Variants in ALPK1 observed in about 807,000 individuals in gnomAD.
The protein encoded by ALPK1 is alpha kinase 1.
ALPK1 carries 110 observed loss-of-function variants against 120.6 expected under a neutral mutation model. That is an observed-to-expected ratio of 0.91 (90% CI 0.78 to 1.07). The LOEUF is 1.07. Among genes scored for constraint, ALPK1 ranks in the 50% least tolerant of loss-of-function variants. The pLI is 0.00. For missense variants in ALPK1, 1,498 were observed against 1,483.9 expected, an observed-to-expected ratio of 1.01 and a Z score of -0.16; for synonymous variants, 582 against 560.3, an observed-to-expected ratio of 1.04 and a Z score of -0.55.
chr4:112,391,267 C>A (rs62316108), intron 4 of ALPK1, among the ~76,000 whole-genome samples: 2 of 152,156 alleles, frequency 1.3e-5, no homozygotes, highest in Non-Finnish European at 2.9e-5. Context: ...GCCTTGTGAA[C>A]AAGGTAGGGG....
intron 2 of ALPK1, chr4:112,358,522 C>T (rs1426504625): frequency 1.2e-5 from 8 of 679,600 alleles, no homozygotes; most frequent in Non-Finnish European, 1.9e-5. Context: ...CTGCTGGGGA[C>T]CCGGAGGGCA....
chr4:112,421,497 C>G (rs928629933), intron 5 of ALPK1, among the ~76,000 whole-genome samples: 3 of 152,004 alleles, frequency 2.0e-5, no homozygotes, highest in African/African-American at 7.3e-5. Flanking sequence ...GACCTTTGCC[C>G]CAGGTTTTAA....
Position 112,365,961 on chromosome 4 carries a change from A to G in ALPK1, c.-100-11717A>G, listed in dbSNP as rs544590674. Among the ~76,000 whole-genome samples, 106 of 152,290 alleles carry G rather than the reference A, an allele frequency of 7.0e-4. 2 individuals are homozygous for G. In the South Asian group the frequency reaches 0.022, roughly 31 times the overall value. On this transcript the variant is annotated intron_variant, in intron 2 of 15. Transcript: ENST00000650871. ...AACAAAAACATATAGTGGGGAAAGG[A>G]CACCCTATTCAACAAATGGTGCTGG...
chr4:112,298,910 C>A (rs1727663736), intron 1 of ALPK1, among the ~76,000 whole-genome samples: 1 of 152,122 alleles, frequency 6.6e-6, no homozygotes, highest in African/African-American at 2.4e-5. Context: ...GAACACAAGG[C>A]ATGAATTGCT....
chr4:112,434,600 CT>C (rs1313694985), intron 11 of ALPK1, among the ~76,000 whole-genome samples: 3 of 152,124 alleles, frequency 2.0e-5, no homozygotes, highest in Non-Finnish European at 4.4e-5. Context: ...TTATGTTTTC[CT>C]TTTTTCAGTT....
At chr4:112,378,884 A>G (rs1731780229) in intron 3 of ALPK1, among the ~76,000 whole-genome samples, 1 of 152,202 alleles carries the variant, frequency 6.6e-6, no homozygotes, top group South Asian at 2.1e-4. Flanking sequence ...TCCTCCTTTC[A>G]AGATAAAAAT....
intron 2 of ALPK1, chr4:112,343,465 T>A (rs575738700): frequency 2.0e-5 from 3 of 152,318 alleles, no homozygotes; most frequent in Non-Finnish European, 2.9e-5. Context: ...ACCCTCAGCC[T>A]GCCTCGGAAG....
At chr4:112,309,009 A>G (rs370603019) in intron 1 of ALPK1, among the ~76,000 whole-genome samples, 1 of 151,964 alleles carries the variant, frequency 6.6e-6, no homozygotes, top group Admixed American at 6.6e-5. Context: ...TTGCTGGAGG[A>G]CCACTCCAGA....
chr4:112,345,646 T>C (rs967069008), intron 2 of ALPK1, among the ~76,000 whole-genome samples: 2 of 152,208 alleles, frequency 1.3e-5, no homozygotes, highest in African/African-American at 4.8e-5. Flanking sequence ...AGAGAATTTT[T>C]AAATTTTTTA....
At chr4:112,440,766 C>G in intron 14 of ALPK1, 151 bp from the exon 15 acceptor site, 11 of 1,290,128 alleles carry the variant, frequency 8.5e-6, no homozygotes, top group Non-Finnish European at 1.1e-5. Context: ...CAGGAATTTA[C>G]TAACTATAAA....
chr4:112,375,492 C>T (rs1731613357), intron 2 of ALPK1, among the ~76,000 whole-genome samples: 2 of 152,192 alleles, frequency 1.3e-5, no homozygotes, highest in African/African-American at 4.8e-5. Flanking sequence ...ATGGAGATGG[C>T]TTCTTTCCTT....
chr4:112,418,012 G>T (rs1289776055), intron 5 of ALPK1, among the ~76,000 whole-genome samples: 2 of 152,194 alleles, frequency 1.3e-5, no homozygotes, highest in African/African-American at 2.4e-5. Context: ...GGGGATTAGA[G>T]TAATGAGGGC....
At chr4:112,335,734 G>A (rs775079713) in intron 2 of ALPK1, among the ~76,000 whole-genome samples, 2 of 152,122 alleles carry the variant, frequency 1.3e-5, no homozygotes, top group Non-Finnish European at 2.9e-5. Flanking sequence ...ATAAGGGAAA[G>A]CTTGACCTAG....
At chr4:112,324,328 G>GA (rs768067074) in intron 2 of ALPK1, among the ~76,000 whole-genome samples, 2,050 of 56,444 alleles carry the variant, frequency 0.036, 25 homozygotes, top group Middle Eastern at 0.09. Flanking sequence ...CTCCATCTCA[G>GA]AAAAAAAAAA....
intron 5 of ALPK1, among the ~76,000 whole-genome samples, chr4:112,422,760 CAGT>C (rs1236404334): frequency 6.6e-6 from 1 of 152,224 alleles, no homozygotes; most frequent in Non-Finnish European, 1.5e-5. Context: ...TTCATCCACA[CAGT>C]AGGCATTTGG....
At chr4:112,399,571 G>T (rs1732814375) in intron 4 of ALPK1, among the ~76,000 whole-genome samples, 1 of 152,112 alleles carries the variant, frequency 6.6e-6, no homozygotes, top group Non-Finnish European at 1.5e-5. Context: ...ACCAAGAAAG[G>T]ATTGTTTTTC....
At chr4:112,371,182 C>T (rs1731387069) in intron 2 of ALPK1, among the ~76,000 whole-genome samples, 1 of 152,124 alleles carries the variant, frequency 6.6e-6, no homozygotes, top group Non-Finnish European at 1.5e-5. Flanking sequence ...TGATACTTTC[C>T]ACGTGAATTT....
Position 112,441,235 on chromosome 4 carries a change from G to A in ALPK1, c.*25G>A. ...GAATACGGCACAGTCTGGTCCTTTG[G>A]GGCTTGGGCAGGGCCGTGACACAGG... On this transcript the variant is annotated 3_prime_UTR_variant, in exon 16 of 16. Transcript: ENST00000650871. 2 of 1,513,286 alleles carry A rather than the reference G, an allele frequency of 1.3e-6. No individual in the cohort carries two copies. Among genetic ancestry groups the A allele is most frequent in the Non-Finnish European group, 1.8e-6 (2 of 1,088,272 alleles). The allele number at this position is 1,513,286 out of a possible 1,614,324, so 93.7% of individuals were successfully genotyped here.
chr4:112,380,624 G>A (rs1296946646), intron 3 of ALPK1, among the ~76,000 whole-genome samples: 2 of 151,592 alleles, frequency 1.3e-5, no homozygotes, highest in Admixed American at 1.3e-4. Flanking sequence ...TTTTTCTTTT[G>A]TTCTTTCTGT....
Sources: gnomAD v4.1 joint callset for allele counts (sites outside exome capture counted in the v4.1 genomes callset) on GRCh38, gnomAD v4.1.1 for gene constraint, MANE v1.5 for transcripts, NCBI Gene and HGNC (gene_info 2026-07-23, HGNC 2026-07-21) for gene names.